LNX1: variants seen among roughly 807,000 people sequenced by gnomAD.
The protein encoded by LNX1 is ligand of numb-protein X 1, also known as E3 ubiquitin-protein ligase LNX.
LNX1 carries 54 observed loss-of-function variants against 68.4 expected under a neutral mutation model. The ratio of observed to expected loss-of-function variants is 0.79; its 90% CI spans 0.63 to 0.99. The LOEUF is 0.99. Among genes scored for constraint, LNX1 ranks in the 50% least tolerant of loss-of-function variants. The pLI, the probability that LNX1 is intolerant of heterozygous loss-of-function variation, is 0.00. For synonymous variants in LNX1, 336 were observed against 350.0 expected (o/e 0.96, Z 0.45); for missense variants, 906 against 926.4 (o/e 0.98, Z 0.29).
rs1721838979 is a variant in LNX1 at position 53,460,690 on chromosome 4, T to A, written c.*217A>T. ...AAATATAAACAATGTTGTAGAGTAATGAGAAATCCTCCACACTGAAAAAAA... is the reference window on the plus strand; with the variant it reads ...AAATATAAACAATGTTGTAGAGTAAAGAGAAATCCTCCACACTGAAAAAAA... On this transcript the variant is annotated 3_prime_UTR_variant, in exon 11 of 11. Coordinates refer to ENST00000263925, the MANE Select transcript of LNX1 (RefSeq NM_001126328.3). 1 of 491,836 alleles carries A rather than the reference T, an allele frequency of 2.0e-6. No homozygotes were observed. The highest frequency in any genetic ancestry group is 2.9e-5 in the South Asian group (1 of 34,868). 30.5% of individuals were successfully genotyped at this position (491,836 alleles called of 1,614,324 possible). A position where few individuals can be genotyped will look rare whatever the true frequency, so the allele number is the denominator to read the frequency against.
In LNX1 at chr4:53,478,672, C is replaced by T; in HGVS notation, c.1556G>A (p.Gly519Asp). Residue 519 changes from glycine to aspartate, a missense_variant, in exon 8 of 11, where the codon GGC (glycine) becomes GAC (aspartate). Transcript: ENST00000263925. ...NIQKDPGESL[G>D]MTVAGGASHR... is the part of the protein sequence containing the mutation. ...TGATGCTCCCCCTGCGACGGTCATG[C>T]CGAGAGATTCACCGGGGTCTTTTTG... is the stretch of plus-strand genomic sequence containing the variant. 1 of 1,614,092 alleles carries T rather than the reference C, an allele frequency of 6.2e-7. No individual in the cohort carries two copies. Among genetic ancestry groups the T allele is most frequent in the Non-Finnish European group, 8.5e-7 (1 of 1,180,000 alleles).
intron 2 of LNX1, chr4:53,557,781 A>G: frequency 1.4e-6 from 2 of 1,475,018 alleles, no homozygotes; most frequent in Non-Finnish European, 1.9e-6. Flanking sequence ...TGTGGAATTT[A>G]AAATGGATAT....
At chr4:53,609,739 ATT>A (rs1277149861) in intron 2 of LNX1, among the ~76,000 whole-genome samples, 1 of 141,422 alleles carries the variant, frequency 7.1e-6, no homozygotes, top group Non-Finnish European at 1.5e-5. Context: ...ATAATATACT[ATT>A]ATATATTATA....
intron 1 of LNX1, among the ~76,000 whole-genome samples, chr4:53,627,846 T>A (rs972954923): frequency 6.6e-6 from 1 of 152,168 alleles, no homozygotes; most frequent in Non-Finnish European, 1.5e-5. Flanking sequence ...ATTAGCCAGT[T>A]CTCCTTCTGC....
intron 4 of LNX1, among the ~76,000 whole-genome samples, chr4:53,506,154 A>G (rs780598247): frequency 6.6e-6 from 1 of 152,146 alleles, no homozygotes; most frequent in Non-Finnish European, 1.5e-5. Flanking sequence ...GAACCAGAGG[A>G]CCTGATTTAA....
At chr4:53,486,227 G>GTT (rs1724280616) in intron 6 of LNX1, among the ~76,000 whole-genome samples, 1 of 152,070 alleles carries the variant, frequency 6.6e-6, no homozygotes, top group Admixed American at 6.6e-5. Context: ...AAACTTGGTG[G>GTT]TCCTCCGCTC....
chr4:53,590,897 T>G (rs1732468385), intron 1 of LNX1, among the ~76,000 whole-genome samples: 1 of 152,094 alleles, frequency 6.6e-6, no homozygotes, highest in South Asian at 2.1e-4. Flanking sequence ...GAATTTGCCC[T>G]GAGGAACAGG....
At chr4:53,598,743 T>A (rs576768956) in intron 2 of LNX1, among the ~76,000 whole-genome samples, 16 of 152,338 alleles carry the variant, frequency 1.1e-4, no homozygotes, top group Admixed American at 2.6e-4. Context: ...TCTTGAGTCA[T>A]CTCTTCGTTT....
At chr4:53,576,011 C>T (rs1476340879) in intron 1 of LNX1, 2 of 1,568,392 alleles carry the variant, frequency 1.3e-6, no homozygotes, top group Non-Finnish European at 1.7e-6. Context: ...CTCCATCTTC[C>T]CCCCACCAGC....
intron 2 of LNX1, among the ~76,000 whole-genome samples, chr4:53,560,642 T>C (rs1730218633): frequency 6.6e-6 from 1 of 152,210 alleles, no homozygotes; most frequent in Non-Finnish European, 1.5e-5. Flanking sequence ...TGCCTAATTC[T>C]TTCTGCCTGG....
At chr4:53,519,438 G>GTTT (rs36120084) in intron 2 of LNX1, among the ~76,000 whole-genome samples, 3 of 128,572 alleles carry the variant, frequency 2.3e-5, no homozygotes, top group Non-Finnish European at 5.0e-5. Context: ...TTTGTTCAGT[G>GTTT]TTTTTTTTTT....
intron 2 of LNX1, among the ~76,000 whole-genome samples, chr4:53,557,449 G>A (rs947547041): frequency 6.6e-6 from 1 of 151,974 alleles, no homozygotes; most frequent in African/African-American, 2.4e-5. Context: ...TACTATACCT[G>A]TTTTCAGGTA....
chr4:53,522,451 C>T (rs910883985), intron 2 of LNX1, among the ~76,000 whole-genome samples: 2 of 152,198 alleles, frequency 1.3e-5, no homozygotes, highest in African/African-American at 4.8e-5. Context: ...AGAAATAAAG[C>T]AGACAGGCAA....
intron 2 of LNX1, among the ~76,000 whole-genome samples, chr4:53,539,957 G>A (rs1728634835): frequency 6.6e-6 from 1 of 152,216 alleles, no homozygotes; most frequent in Admixed American, 6.5e-5. Context: ...TGGCCATGTG[G>A]TTAGAACTGG....
At chr4:53,594,341 T>A (rs934116522), upstream of LNX1, among the ~76,000 whole-genome samples, 17 of 152,092 alleles carry the variant, frequency 1.1e-4, no homozygotes, top group Non-Finnish European at 2.2e-4. Context: ...CTCTATGACA[T>A]CTTTTATGGT....
chr4:53,580,818 C>T (rs890242679), intron 1 of LNX1, among the ~76,000 whole-genome samples: 2 of 152,110 alleles, frequency 1.3e-5, no homozygotes, highest in African/African-American at 2.4e-5. Context: ...GTGGGGCTCT[C>T]TTATTTGTTT....
chr4:53,497,799 G>T (rs1725178426), intron 5 of LNX1, among the ~76,000 whole-genome samples: 1 of 152,216 alleles, frequency 6.6e-6, no homozygotes, highest in African/African-American at 2.4e-5. Context: ...CAGTATTTCT[G>T]TGAAAACTGC....
intron 5 of LNX1, chr4:53,496,735 G>A (rs75016439): frequency 0.012 from 2,734 of 228,536 alleles, 78 homozygotes; most frequent in African/African-American, 0.058. Context: ...GGTAGGAAAA[G>A]GCAAAAGAAA....
At chr4:53,505,084 T>C (rs761278313) in intron 4 of LNX1, among the ~76,000 whole-genome samples, 1 of 152,142 alleles carries the variant, frequency 6.6e-6, no homozygotes, top group Non-Finnish European at 1.5e-5. Context: ...TTTGTAAAAA[T>C]AAAAATGAGG....
Sources: gnomAD v4.1 joint callset for allele counts (sites outside exome capture counted in the v4.1 genomes callset) on GRCh38, gnomAD v4.1.1 for gene constraint, MANE v1.5 for transcripts, NCBI Gene and HGNC (gene_info 2026-07-23, HGNC 2026-07-21) for gene names.